Variants in FKBP3 observed in about 807,000 individuals in gnomAD.
The protein encoded by FKBP3 is FKBP prolyl isomerase 3, also known as peptidyl-prolyl cis-trans isomerase FKBP3.
FKBP3 carries 21 observed loss-of-function variants against 30.6 expected under a neutral mutation model. The observed-to-expected ratio is 0.69, with a 90% CI of 0.49 to 0.99. FKBP3 has a LOEUF of 0.99. Among genes scored for constraint, FKBP3 ranks in the 50% least tolerant of loss-of-function variants. The probability of loss-of-function intolerance (pLI) is 0.00; values close to 1 mark genes in which losing one functional copy is unlikely to be tolerated. For missense variants in FKBP3, 283 were observed against 261.6 expected (o/e 1.08, Z -0.56); for synonymous variants, 82 against 91.3 (o/e 0.90, Z 0.58).
chr14:45,121,028 TAAATTCCAGTGGAA>T, intron 4 of FKBP3, 74 bp from the exon 5 acceptor site: 1 of 1,202,110 alleles, frequency 8.3e-7, no homozygotes, highest in Non-Finnish European at 1.2e-6. Context: ...TGGAAATTAT[TAAATTCCAGTGGAA>T]AAATATAGTG....
At position 45,125,876 on chromosome 14, in the gene FKBP3, G is replaced by A. The variant is rs545825597; in HGVS notation, c.318+3918C>T. ...AAGGGCATGATGTAGTAGACAATGA[G>A]CAGACATTTGTGGTCAAAGAAAAAA... On this transcript the variant is annotated intron_variant, in intron 3 of 6. Transcript: ENST00000396062. 5.3e-5 allele frequency among the ~76,000 whole-genome samples: 8 copies of A among 151,974 alleles called. No homozygotes were observed. The East Asian group carries it at 1.6e-3, about 30-fold the overall frequency.
chr14:45,127,886 G>A (rs1885134686), intron 3 of FKBP3, among the ~76,000 whole-genome samples: 1 of 152,120 alleles, frequency 6.6e-6, no homozygotes, highest in Non-Finnish European at 1.5e-5. Flanking sequence ...AGGAATGAAC[G>A]TTTAAAATAA....
chr14:45,123,676 A>G (rs1885036193), intron 3 of FKBP3, among the ~76,000 whole-genome samples: 2 of 122,456 alleles, frequency 1.6e-5, no homozygotes, highest in Admixed American at 1.1e-4. Flanking sequence ...GTGCAGTGGC[A>G]TGATCTCGGC....
chr14:45,120,312 C>G (rs1001057258), intron 5 of FKBP3, among the ~76,000 whole-genome samples: 5 of 152,304 alleles, frequency 3.3e-5, no homozygotes, highest in East Asian at 1.9e-4. Context: ...GCCTAACTTC[C>G]TCTTTTCTCA....
At chr14:45,123,467 GTC>G (rs971009750) in intron 3 of FKBP3, among the ~76,000 whole-genome samples, 1 of 151,176 alleles carries the variant, frequency 6.6e-6, no homozygotes, top group African/African-American at 2.4e-5. Context: ...TAGGACCCCT[GTC>G]TCTGTCTCTG....
At chr14:45,133,676 A>G (rs1439470704) in intron 1 of FKBP3, among the ~76,000 whole-genome samples, 1 of 152,222 alleles carries the variant, frequency 6.6e-6, no homozygotes, top group African/African-American at 2.4e-5. Context: ...ACGGATGGTT[A>G]AGATGGAGAC....
chr14:45,134,447 C>T lies in FKBP3; in HGVS notation c.10G>A (p.Ala4Thr), dbSNP rs534477722. Residue 4 changes from alanine to threonine, a missense_variant, in exon 1 of 7, where the codon GCC (alanine) becomes ACC (threonine). Physicochemically the swap from Ala to Thr is moderately conservative, Grantham distance 58 (BLOSUM62 0). Transcript: ENST00000396062. MAA[A>T]VPQRAWTVEQ... ...ACGGTCCACGCCCGCTGTGGAACGGCCGCCGCCATCTTCCCCCGCTGCCTC... is the reference window on the plus strand; with the variant it reads ...ACGGTCCACGCCCGCTGTGGAACGGTCGCCGCCATCTTCCCCCGCTGCCTC... 6.2e-7 allele frequency: 1 copy of T among 1,610,108 alleles called. No individual in the cohort carries two copies. The highest frequency in any genetic ancestry group is 2.2e-5 in the East Asian group (1 of 44,572).
At chr14:45,129,973 C>A (rs1566708129) in intron 2 of FKBP3, 72 bp from the exon 3 acceptor site, 3 of 851,530 alleles carry the variant, frequency 3.5e-6, no homozygotes, top group Non-Finnish European at 5.5e-6. Context: ...GATTTTCAGC[C>A]TCTCAATTAA....
rs767148177 is a variant in FKBP3 at position 45,130,808 on chromosome 14, GA to G, written c.109-9del. On this transcript the variant is annotated splice_polypyrimidine_tract_variant and intron_variant, in intron 1 of 6. Transcript: ENST00000396062. ...TTTATGTTCTGCAAGAAACTATAAG[GA>G]AAAAAGCTGGGTAATCAAGATAACT... 4 of 1,533,802 alleles carry G rather than the reference GA, an allele frequency of 2.6e-6. No homozygotes were observed. In the East Asian group the frequency reaches 6.8e-5, roughly 26 times the overall value.
chr14:45,129,734 A>G (rs1336461216), intron 3 of FKBP3, 60 bp downstream of exon 3: 2 of 1,083,970 alleles, frequency 1.8e-6, no homozygotes, highest in Admixed American at 2.8e-5. Context: ...CAAATAATAA[A>G]GAAATAAATA....
At position 45,132,641 on chromosome 14, in the gene FKBP3, TAGTC is replaced by T. The variant is rs1288135131; in HGVS notation, c.108+1704_108+1707del. Among the ~76,000 whole-genome samples, 7 of 152,260 alleles carry T rather than the reference TAGTC, an allele frequency of 4.6e-5. No individual in the cohort carries two copies. The East Asian group carries it at 1.4e-3, about 29-fold the overall frequency. Reference sequence around the variant, plus strand: ...GTCCTCAATGCCTGGCCTCAACTGTTAGTCAGGATGGTCTCGATCTCCTGACCTC... The same window carrying T: ...GTCCTCAATGCCTGGCCTCAACTGTTAGGATGGTCTCGATCTCCTGACCTC... On this transcript the variant is annotated intron_variant, in intron 1 of 6. Transcript: ENST00000396062.
At chr14:45,129,669 T>A (rs1011385787) in intron 3 of FKBP3, 125 bp downstream of exon 3, 2 of 560,604 alleles carry the variant, frequency 3.6e-6, no homozygotes, top group Admixed American at 6.5e-5. Flanking sequence ...ACATTAAGTG[T>A]TTGGCTCATT....
At position 45,134,235 on chromosome 14, in the gene FKBP3, G is replaced by C. The variant is rs565768916; in HGVS notation, c.108+114C>G. On this transcript the variant is annotated intron_variant, in intron 1 of 6. Coordinates refer to ENST00000396062, the MANE Select transcript of FKBP3 (RefSeq NM_002013.4). ...GGCCTCTCCGGCCTTCCAGGCCACC[G>C]GCCGCGGGAAGACGAGGGCGGGGGC... The C allele has an allele frequency of 2.9e-4, 261 of 907,006 alleles. No individual in the cohort carries two copies. The South Asian group carries it at 3.2e-3, about 11-fold the overall frequency. 56.2% of individuals were successfully genotyped at this position (907,006 alleles called of 1,614,324 possible).
At chr14:45,116,983 C>A (rs1884858877) in intron 6 of FKBP3, among the ~76,000 whole-genome samples, 2 of 151,002 alleles carry the variant, frequency 1.3e-5, no homozygotes, top group South Asian at 2.1e-4. Context: ...TCCCCGCCCC[C>A]CCCACCGAGA....
At position 45,118,177 on chromosome 14, in the gene FKBP3, C is replaced by T. The variant is rs753386213; in HGVS notation, c.523-52G>A. On this transcript the variant is annotated intron_variant, in intron 5 of 6. Coordinates refer to ENST00000396062, the MANE Select transcript of FKBP3 (RefSeq NM_002013.4). ...AATGGTATTTTGCAAAAAGCACATG[C>T]AATACCAGGACAGTCAAGACAAGAT... 7 of 1,041,564 alleles carry T rather than the reference C, an allele frequency of 6.7e-6. No homozygotes were observed. The African/African-American group carries it at 1.1e-4, about 17-fold the overall frequency. The allele number at this position is 1,041,564 out of a possible 1,614,324, so 64.5% of individuals were successfully genotyped here.
intron 1 of FKBP3, among the ~76,000 whole-genome samples, chr14:45,133,075 G>A (rs766797396): frequency 8.5e-5 from 13 of 152,140 alleles, no homozygotes; most frequent in South Asian, 2.1e-4. Flanking sequence ...TCTAAGATGC[G>A]GATGCCAGGA....
In FKBP3 at chr14:45,115,993, T is replaced by C; in HGVS notation, c.*205A>G. ...CTCCTTGACCAGTATTTTACACAGC[T>C]GTAGGAAAGTATTTTAGACCAGGGA... On this transcript the variant is annotated 3_prime_UTR_variant, in exon 7 of 7. Transcript: ENST00000396062. 1.9e-6 allele frequency: 1 copy of C among 537,842 alleles called. No individual in the cohort carries two copies. Among genetic ancestry groups the C allele is most frequent in the Non-Finnish European group, 3.4e-6 (1 of 296,850 alleles). 33.3% of individuals were successfully genotyped at this position (537,842 alleles called of 1,614,324 possible).
At chr14:45,123,793 T>A in intron 3 of FKBP3, among the ~76,000 whole-genome samples, 1 of 151,692 alleles carries the variant, frequency 6.6e-6, no homozygotes, top group East Asian at 1.9e-4. Flanking sequence ...TTTTTGTTTG[T>A]ATTTTTAGTA....
chr14:45,128,526 A>C (rs957911059), intron 3 of FKBP3, among the ~76,000 whole-genome samples: 12 of 152,224 alleles, frequency 7.9e-5, no homozygotes, highest in African/African-American at 2.9e-4. Flanking sequence ...ACCAGGCTCA[A>C]TAAAAGGTTT....
Sources: gnomAD v4.1 joint callset for allele counts (sites outside exome capture counted in the v4.1 genomes callset) on GRCh38, gnomAD v4.1.1 for gene constraint, MANE v1.5 for transcripts, NCBI Gene and HGNC (gene_info 2026-07-23, HGNC 2026-07-21) for gene names.